The following ANK2 variants were observed in gnomAD, a reference collection of about 807,000 sequenced individuals.
The protein encoded by ANK2 is ankyrin 2.
Under a neutral mutation model 360.5 loss-of-function variants are expected in ANK2, and 83 were observed. The ratio of observed to expected loss-of-function variants is 0.23; its 90% CI spans 0.19 to 0.28. The LOEUF (loss-of-function observed/expected upper bound fraction) is 0.28. ANK2 is among the 10% of genes least tolerant of loss of function. ANK2 has a pLI of 1.00. For synonymous variants in ANK2, 1,740 were observed against 1,759.5 expected (o/e 0.99, Z 0.28); for missense variants, 4,201 against 4,795.7 (o/e 0.88, Z 3.66).
chr4:112,911,672 T>C (rs1373610337), intron 2 of ANK2, among the ~76,000 whole-genome samples: 1 of 152,158 alleles, frequency 6.6e-6, no homozygotes, highest in African/African-American at 2.4e-5. Context: ...TTTTCCTTAT[T>C]ATGTTGTCAT....
the ANK2 span, among the ~76,000 whole-genome samples, chr4:112,739,724 ACT>A: frequency 1.3e-5 from 2 of 152,086 alleles, no homozygotes; most frequent in Non-Finnish European, 2.9e-5. Flanking sequence ...CCCTCCTATC[ACT>A]CTCTGATAAA....
chr4:112,879,712 C>CT lies in ANK2; in HGVS notation c.-39-24742dup, dbSNP rs1207267147. On this transcript the variant is annotated intron_variant, in intron 1 of 30. Coordinates refer to the ANK2 transcript ENST00000503271. ...TATATCTATAGTTTGAACAGTATAACTAAAAGCAACCACAAAGGGAACTCT... is the reference window on the plus strand; with the variant it reads ...TATATCTATAGTTTGAACAGTATAACTTAAAAGCAACCACAAAGGGAACTCT... 7.2e-5 allele frequency among the ~76,000 whole-genome samples: 11 copies of CT among 152,232 alleles called. No homozygotes were observed. The East Asian group carries it at 1.9e-3, about 27-fold the overall frequency.
intron 2 of ANK2, among the ~76,000 whole-genome samples, chr4:112,927,962 C>T (rs1477464596): frequency 2.0e-5 from 3 of 152,126 alleles, no homozygotes; most frequent in South Asian, 4.1e-4. Context: ...AAGAAAACTC[C>T]AGCTGTGCCA....
At chr4:112,929,624 A>T (rs1288631281) in intron 2 of ANK2, among the ~76,000 whole-genome samples, 1 of 152,208 alleles carries the variant, frequency 6.6e-6, no homozygotes, top group Non-Finnish European at 1.5e-5. Context: ...TTTTCCTAAG[A>T]AATCTTCTAT....
At chr4:113,218,360 T>C (rs1166666308) in intron 4 of ANK2, among the ~76,000 whole-genome samples, 1 of 152,034 alleles carries the variant, frequency 6.6e-6, no homozygotes, top group East Asian at 1.9e-4. Context: ...CCCCTTGGAA[T>C]GTGTCAGTAT....
At position 113,264,962 on chromosome 4, in the gene ANK2, G is replaced by C; in HGVS notation, c.1452G>C (p.Leu484=). ...AGGTGGAAGTGGTCCGATGCCTCCT[G>C]AGAAATGGTGCCCTTGTTGATGCCA... ...AGQVEVVRCL[L]RNGALVDARA... is the part of the protein sequence containing the mutation. Residue 484 remains leucine (L), a synonymous_variant, in exon 14 of 46, where the codon CTG becomes CTC. Coordinates refer to ENST00000357077, the MANE Select transcript of ANK2 (RefSeq NM_001148.6). 1 of 1,567,234 alleles carries C rather than the reference G, an allele frequency of 6.4e-7. No individual in the cohort carries two copies. The highest frequency in any genetic ancestry group is 1.3e-5 in the African/African-American group (1 of 74,242).
At chr4:113,297,930 A>G (rs949401601) in intron 22 of ANK2, among the ~76,000 whole-genome samples, 2 of 151,960 alleles carry the variant, frequency 1.3e-5, no homozygotes, top group Non-Finnish European at 2.9e-5. Flanking sequence ...GTAGGTGGGC[A>G]GGTGCCACCA....
chr4:113,362,212 C>T (rs969435752), intron 39 of ANK2, among the ~76,000 whole-genome samples: 2 of 151,872 alleles, frequency 1.3e-5, no homozygotes, highest in Non-Finnish European at 2.9e-5. Flanking sequence ...AGGTGGTTTC[C>T]CAGTAACGGC....
Position 113,330,360 on chromosome 4 carries a change from C to T in ANK2, c.3015C>T (p.Thr1005=), listed in dbSNP as rs778870309. Residue 1005 remains threonine (T), a synonymous_variant, in exon 27 of 46, where the codon ACC becomes ACT. Transcript: ENST00000357077. ...AATGTACTGCTCCAACGCGAGTCAC[C>T]TGCCGACTGGTCAAGCGCCACAGAC... ...PRKCTAPTRV[T]CRLVKRHRLA... The T allele has an allele frequency of 6.2e-7, 1 of 1,614,246 alleles. No homozygotes were observed. Among genetic ancestry groups the T allele is most frequent in the South Asian group, 1.1e-5 (1 of 91,088 alleles).
At chr4:113,041,236 A>G (rs1014665135) in intron 2 of ANK2, among the ~76,000 whole-genome samples, 2 of 152,112 alleles carry the variant, frequency 1.3e-5, no homozygotes, top group Non-Finnish European at 2.9e-5. Flanking sequence ...TTTTAGGTCT[A>G]AATCCCGAAT....
intron 18 of ANK2, among the ~76,000 whole-genome samples, chr4:113,284,026 T>A (rs1190408897): frequency 1.3e-5 from 2 of 152,208 alleles, no homozygotes; most frequent in Admixed American, 1.3e-4. Flanking sequence ...TTCCTGTACA[T>A]CCCCTGCCCT....
the ANK2 span, among the ~76,000 whole-genome samples, chr4:112,764,588 G>A: frequency 2.0e-5 from 3 of 151,692 alleles, no homozygotes; most frequent in Non-Finnish European, 4.4e-5. Context: ...TACCCACCTC[G>A]GCCTCGGCCT....
intron 2 of ANK2, among the ~76,000 whole-genome samples, chr4:112,979,278 C>T (rs1268958964): frequency 6.6e-6 from 1 of 152,228 alleles, no homozygotes; most frequent in Non-Finnish European, 1.5e-5. Flanking sequence ...GCTCCAAATG[C>T]TGGTACAGGT....
intron 1 of ANK2, among the ~76,000 whole-genome samples, chr4:112,822,454 A>C (rs1240601070): frequency 6.6e-6 from 1 of 151,060 alleles, no homozygotes; most frequent in African/African-American, 2.4e-5. Context: ...ACAACAAAAA[A>C]CCATTTCAGG....
intron 28 of ANK2, among the ~76,000 whole-genome samples, chr4:113,332,642 A>G (rs746125610): frequency 6.6e-6 from 1 of 152,208 alleles, no homozygotes; most frequent in Non-Finnish European, 1.5e-5. Flanking sequence ...CATTTACGAC[A>G]CATCAAATTA....
chr4:113,342,239 A>G (rs2153980270), intron 33 of ANK2, among the ~76,000 whole-genome samples: 2 of 152,284 alleles, frequency 1.3e-5, no homozygotes, highest in Middle Eastern at 3.4e-3. Flanking sequence ...TGTTGTCCTT[A>G]TTTTTTAATA....
the ANK2 span, among the ~76,000 whole-genome samples, chr4:112,749,054 C>G: frequency 6.6e-6 from 1 of 152,134 alleles, no homozygotes; most frequent in African/African-American, 2.4e-5. Flanking sequence ...CGTGTGCCAC[C>G]ACGCCCATCT....
chr4:113,212,528 C>A (rs1362210365), intron 4 of ANK2, among the ~76,000 whole-genome samples: 1 of 152,152 alleles, frequency 6.6e-6, no homozygotes, highest in African/African-American at 2.4e-5. Context: ...TTGACATTGA[C>A]TGAGGTAGGC....
chr4:113,057,837 T>C (rs1380522757), intron 1 of ANK2, among the ~76,000 whole-genome samples: 2 of 152,146 alleles, frequency 1.3e-5, no homozygotes, highest in East Asian at 3.9e-4. Context: ...ATAACACTTA[T>C]ACAGGCACTC....
Sources: gnomAD v4.1 joint callset for allele counts (sites outside exome capture counted in the v4.1 genomes callset) on GRCh38, gnomAD v4.1.1 for gene constraint, MANE v1.5 for transcripts, NCBI Gene and HGNC (gene_info 2026-07-23, HGNC 2026-07-21) for gene names.